The following BICC1 variants were observed in gnomAD, a reference collection of about 807,000 sequenced individuals.
BICC1 encodes the protein BicC family RNA binding protein 1, also known as protein bicaudal C homolog 1.
BICC1 carries 43 observed loss-of-function variants against 111.0 expected under a neutral mutation model. That is an observed-to-expected ratio of 0.39 (90% CI 0.30 to 0.50). The LOEUF is 0.50. Among genes scored for constraint, BICC1 ranks in the 20% least tolerant of loss-of-function variants. The pLI, the probability that BICC1 is intolerant of heterozygous loss-of-function variation, is 0.88. For missense variants in BICC1, 1,091 were observed against 1,203.2 expected (o/e 0.91, Z 1.38); for synonymous variants, 467 against 434.4 (o/e 1.07, Z -0.93).
chr10:58,787,186 C>CACATAGAT, intron 5 of BICC1, 105 bp downstream of exon 5: 1 of 1,019,898 alleles, frequency 9.8e-7, no homozygotes, highest in Non-Finnish European at 1.4e-6. Flanking sequence ...AAAAAAAAAT[C>CACATAGAT]ACATAGATGA....
chr10:58,733,916 G>T (rs1160911990), intron 3 of BICC1, among the ~76,000 whole-genome samples: 1 of 152,146 alleles, frequency 6.6e-6, no homozygotes, highest in Non-Finnish European at 1.5e-5. Context: ...TGAAATTATG[G>T]GCAAGTTATT....
Position 58,568,246 on chromosome 10 carries a change from C to T in BICC1, c.191-52609C>T, listed in dbSNP as rs150510980. On this transcript the variant is annotated intron_variant, in intron 1 of 20. Coordinates refer to ENST00000373886, the MANE Select transcript of BICC1 (RefSeq NM_001080512.3). ...CTACAGGTTATTCTCTCCTTTTTCT[C>T]GTTCTGCTCAGGACCCCTGGTGACA... 3.7e-3 allele frequency among the ~76,000 whole-genome samples: 556 copies of T among 152,224 alleles called. 3 individuals carry two copies. Among genetic ancestry groups the T allele is most frequent in the Non-Finnish European group, 5.7e-3 (389 of 68,004 alleles).
chr10:58,671,147 A>T (rs1839171968), intron 2 of BICC1, among the ~76,000 whole-genome samples: 1 of 152,150 alleles, frequency 6.6e-6, no homozygotes, highest in African/African-American at 2.4e-5. Context: ...ACAGAGTCAT[A>T]TTCTAGTGTC....
At chr10:58,527,115 C>T (rs928219907) in intron 1 of BICC1, among the ~76,000 whole-genome samples, 4 of 152,170 alleles carry the variant, frequency 2.6e-5, no homozygotes, top group Admixed American at 2.0e-4. Context: ...TTAATGATTG[C>T]CATTCTAACT....
chr10:58,809,032 A>T (rs1027976387), intron 17 of BICC1, among the ~76,000 whole-genome samples: 2 of 150,558 alleles, frequency 1.3e-5, no homozygotes, highest in African/African-American at 2.4e-5. Context: ...ATTTTAAAAA[A>T]TTTTACTTTA....
intron 1 of BICC1, among the ~76,000 whole-genome samples, chr10:58,534,675 T>C (rs933598450): frequency 2.0e-5 from 3 of 151,392 alleles, no homozygotes; most frequent in Non-Finnish European, 3.0e-5. Context: ...TCTGGCAATA[T>C]GAAAAAACAG....
At chr10:58,823,072 T>G (rs1292096574) in intron 20 of BICC1, among the ~76,000 whole-genome samples, 1 of 151,960 alleles carries the variant, frequency 6.6e-6, no homozygotes, top group East Asian at 1.9e-4. Context: ...AAATCCACTT[T>G]TTTTTTTTTT....
chr10:58,569,658 T>C (rs767460823), intron 1 of BICC1, among the ~76,000 whole-genome samples: 2 of 152,216 alleles, frequency 1.3e-5, no homozygotes, highest in Non-Finnish European at 2.9e-5. Flanking sequence ...TTTCTGTTCC[T>C]GTGTTAGGTT....
chr10:58,717,817 T>A (rs1019890011), intron 3 of BICC1, among the ~76,000 whole-genome samples: 2 of 152,182 alleles, frequency 1.3e-5, no homozygotes, highest in Admixed American at 1.3e-4. Context: ...ACCTTGTCCT[T>A]CCAAATGACT....
chr10:58,661,840 G>C (rs1838854556), intron 2 of BICC1, among the ~76,000 whole-genome samples: 1 of 151,948 alleles, frequency 6.6e-6, no homozygotes, highest in African/African-American at 2.4e-5. Context: ...TAACATATGA[G>C]GCATTGAAAT....
intron 2 of BICC1, among the ~76,000 whole-genome samples, chr10:58,621,737 A>C (rs1039620515): frequency 6.6e-6 from 1 of 151,908 alleles, no homozygotes; most frequent in Non-Finnish European, 1.5e-5. Context: ...GTCTCTACTA[A>C]AAATATAAAA....
At chr10:58,759,345 A>T (rs1459293495) in intron 3 of BICC1, among the ~76,000 whole-genome samples, 1 of 152,154 alleles carries the variant, frequency 6.6e-6, no homozygotes, top group Non-Finnish European at 1.5e-5. Context: ...AAACAAAAAG[A>T]TTTATGAAAC....
chr10:58,558,377 T>C (rs548964563), intron 1 of BICC1, among the ~76,000 whole-genome samples: 2 of 152,226 alleles, frequency 1.3e-5, no homozygotes, highest in East Asian at 1.9e-4. Context: ...GTTCCTCTAC[T>C]TAGAGAGACT....
intron 1 of BICC1, among the ~76,000 whole-genome samples, chr10:58,545,980 C>G (rs1026265255): frequency 6.6e-6 from 1 of 152,104 alleles, no homozygotes; most frequent in Non-Finnish European, 1.5e-5. Context: ...CAGAATATAT[C>G]TATTTATATC....
chr10:58,523,760 A>T (rs1474549655), intron 1 of BICC1, among the ~76,000 whole-genome samples: 1 of 152,106 alleles, frequency 6.6e-6, no homozygotes. Flanking sequence ...GAGGAAGTCA[A>T]ATTGACCCTG....
At chr10:58,794,420 GT>G (rs539285951) in intron 9 of BICC1, among the ~76,000 whole-genome samples, 16,930 of 142,338 alleles carry the variant, frequency 0.12, 1,466 homozygotes, top group African/African-American at 0.27. Flanking sequence ...TGGAATAAAT[GT>G]TTTTTTTTTT....
intron 2 of BICC1, among the ~76,000 whole-genome samples, chr10:58,685,522 A>G (rs1206567563): frequency 6.6e-6 from 1 of 152,126 alleles, no homozygotes; most frequent in Admixed American, 6.5e-5. Flanking sequence ...GTAGGTCTCT[A>G]AGGGCTTGCT....
At position 58,807,152 on chromosome 10, in the gene BICC1, T is replaced by G. The variant is rs768180815; in HGVS notation, c.2370T>G (p.Thr790=). Residue 790 remains threonine, a synonymous_variant, in exon 17 of 21, where the codon ACT becomes ACG. Coordinates refer to ENST00000373886, the MANE Select transcript of BICC1 (RefSeq NM_001080512.3). Reference sequence around the variant, plus strand: ...CCTATAAGCCCACAATGACAACCACTTATGAGGTTTGTAGAGTCATGTCCT... The same window carrying G: ...CCTATAAGCCCACAATGACAACCACGTATGAGGTTTGTAGAGTCATGTCCT... ...HVSYKPTMTT[T]YEGSSMSLSR... is the part of the protein sequence containing the mutation. 6.2e-7 allele frequency: 1 copy of G among 1,613,394 alleles called. No individual in the cohort carries two copies. Among genetic ancestry groups the G allele is most frequent in the East Asian group, 2.2e-5 (1 of 44,812 alleles).
At chr10:58,575,402 G>T (rs1844081945) in intron 1 of BICC1, among the ~76,000 whole-genome samples, 1 of 152,128 alleles carries the variant, frequency 6.6e-6, no homozygotes. Context: ...CCAGCCCTGA[G>T]AAGTCATTAC....
Sources: gnomAD v4.1 joint callset for allele counts (sites outside exome capture counted in the v4.1 genomes callset) on GRCh38, gnomAD v4.1.1 for gene constraint, MANE v1.5 for transcripts, NCBI Gene and HGNC (gene_info 2026-07-23, HGNC 2026-07-21) for gene names.